FERMT2: variants seen among roughly 807,000 people sequenced by gnomAD.
The protein encoded by FERMT2 is FERM domain containing kindlin 2, also known as fermitin family homolog 2.
Under a neutral mutation model 82.7 loss-of-function variants are expected in FERMT2, and 15 were observed. The ratio of observed to expected loss-of-function variants is 0.18; its 90% CI spans 0.12 to 0.28. The LOEUF is 0.28. Among genes scored for constraint, FERMT2 ranks in the 10% least tolerant of loss-of-function variants. The pLI, the probability that FERMT2 is intolerant of heterozygous loss-of-function variation, is 1.00. For missense variants in FERMT2, 645 were observed against 809.4 expected (o/e 0.80, Z 2.46); for synonymous variants, 274 against 271.5 (o/e 1.01, Z -0.09).
intron 3 of FERMT2, among the ~76,000 whole-genome samples, chr14:52,918,000 C>T (rs374907911): frequency 3.9e-5 from 6 of 152,242 alleles, no homozygotes; most frequent in African/African-American, 1.4e-4. Flanking sequence ...GGTACTCTGG[C>T]GCTAGCCCAA....
At chr14:52,935,881 C>G (rs1262195372) in intron 2 of FERMT2, among the ~76,000 whole-genome samples, 1 of 152,162 alleles carries the variant, frequency 6.6e-6, no homozygotes, top group East Asian at 1.9e-4. Flanking sequence ...TTATCCGATA[C>G]TATAAGACAT....
At chr14:52,908,822 G>A (rs1888156763) in intron 3 of FERMT2, among the ~76,000 whole-genome samples, 1 of 152,110 alleles carries the variant, frequency 6.6e-6, no homozygotes, top group Non-Finnish European at 1.5e-5. Flanking sequence ...CTTATAAGAC[G>A]CCCCTTGGGT....
intron 2 of FERMT2, among the ~76,000 whole-genome samples, chr14:52,924,369 A>G (rs1889132600): frequency 6.6e-6 from 1 of 152,118 alleles, no homozygotes; most frequent in Non-Finnish European, 1.5e-5. Context: ...AAAAATACTG[A>G]TGCCTGGCCC....
intron 10 of FERMT2, among the ~76,000 whole-genome samples, chr14:52,865,742 G>A (rs143031500): frequency 1.3e-5 from 2 of 152,204 alleles, no homozygotes; most frequent in African/African-American, 4.8e-5. Context: ...CAGAATATAA[G>A]ATCATACACA....
chr14:52,936,396 G>C (rs867856842), intron 2 of FERMT2, among the ~76,000 whole-genome samples: 7 of 152,166 alleles, frequency 4.6e-5, no homozygotes, highest in Non-Finnish European at 7.4e-5. Context: ...ATATGAAACT[G>C]ATGAATTTCC....
intron 2 of FERMT2, among the ~76,000 whole-genome samples, chr14:52,923,462 T>TA (rs754264522): frequency 6.6e-6 from 1 of 152,150 alleles, no homozygotes; most frequent in Non-Finnish European, 1.5e-5. Context: ...TAAGCAGTGT[T>TA]ATCTTGCACT....
rs763794709 is a variant in FERMT2, at chr14:52,881,254, T to G, written c.742A>C (p.Ile248Leu). 6 of 1,613,832 alleles carry G rather than the reference T, an allele frequency of 3.7e-6. No individual in the cohort carries two copies. In the East Asian group the frequency reaches 1.3e-4, roughly 36 times the overall value. Residue 248 changes from isoleucine to leucine, a missense_variant, in exon 5 of 15, where the codon ATC becomes CTC. Transcript: ENST00000341590. ...KPQALLDKAK[I>L]NQGWLDSSRS... ...TATCTTAAAACTTACCCTTGGTTGA[T>G]TTTTGCTTTATCAAGAAGAGCTTGA... is the stretch of plus-strand genomic sequence containing the variant.
At chr14:52,950,611 T>TG (rs1372984625) in intron 1 of FERMT2, 34 bp from the exon 2 acceptor site, 1 of 1,603,032 alleles carries the variant, frequency 6.2e-7, no homozygotes, top group Admixed American at 1.7e-5. Context: ...CTCGTAAGCG[T>TG]CACTCCCCCA....
In FERMT2 at chr14:52,917,441, T is replaced by C. The variant is rs548356904; in HGVS notation, c.391+1682A>G. 1.2e-4 allele frequency among the ~76,000 whole-genome samples: 19 copies of C among 152,336 alleles called. No homozygotes were observed. The East Asian group carries it at 3.7e-3, about 29-fold the overall frequency. On this transcript the variant is annotated intron_variant, in intron 3 of 14. Transcript: ENST00000341590. ...AAGTCATATTTGTCATTTGACAAAA[T>C]GACAAAATATCAACAATTATTAATT...
At chr14:52,907,456 G>A (rs976706015) in intron 3 of FERMT2, among the ~76,000 whole-genome samples, 5 of 152,128 alleles carry the variant, frequency 3.3e-5, no homozygotes, top group Non-Finnish European at 7.4e-5. Context: ...ACTGAAAAAT[G>A]GTAAATACGT....
In FERMT2 at chr14:52,938,237, G is replaced by A. The variant is rs115165010; in HGVS notation, c.157+12175C>T. Among the ~76,000 whole-genome samples, 1,406 of 152,176 alleles carry A rather than the reference G, an allele frequency of 9.2e-3. 21 individuals are homozygous for A. The highest frequency in any genetic ancestry group is 0.032 in the African/African-American group (1,322 of 41,532). On this transcript the variant is annotated intron_variant, in intron 2 of 14. Coordinates refer to ENST00000341590, the MANE Select transcript of FERMT2 (RefSeq NM_006832.3). Reference sequence around the variant, plus strand: ...TTTCAGCAAGAGATTAAATAAGAAGGGGTTTATGGTTAAATACTACATAAA... The same window carrying A: ...TTTCAGCAAGAGATTAAATAAGAAGAGGTTTATGGTTAAATACTACATAAA...
intron 2 of FERMT2, among the ~76,000 whole-genome samples, chr14:52,934,052 A>G (rs1280765610): frequency 6.6e-6 from 1 of 152,214 alleles, no homozygotes; most frequent in African/African-American, 2.4e-5. Flanking sequence ...TTTGAATGAT[A>G]TAATTCATTT....
At chr14:52,903,961 T>C (rs1367170905) in intron 3 of FERMT2, among the ~76,000 whole-genome samples, 1 of 152,152 alleles carries the variant, frequency 6.6e-6, no homozygotes, top group Non-Finnish European at 1.5e-5. Flanking sequence ...AAAAATGTAT[T>C]TGATCATGTT....
chr14:52,938,893 A>T (rs946557771), intron 2 of FERMT2, among the ~76,000 whole-genome samples: 6 of 151,928 alleles, frequency 3.9e-5, no homozygotes, highest in Non-Finnish European at 8.8e-5. Context: ...TTATGGAAAC[A>T]CTCCCTATCT....
At chr14:52,889,755 C>A (rs2139529969) in intron 4 of FERMT2, among the ~76,000 whole-genome samples, 1 of 152,290 alleles carries the variant, frequency 6.6e-6, no homozygotes. Context: ...TGTTACTGTA[C>A]TGAATGCTGC....
chr14:52,870,027 T>C lies in FERMT2; in HGVS notation c.1273+2772A>G, dbSNP rs1470847705. The stretch of plus-strand genomic sequence containing the variant: ...TAAAGAAAATATTTTTGTATAGCTG[T>C]ACAATGTTTAAGCTACGTGTCATTA... On this transcript the variant is annotated intron_variant, in intron 10 of 14. Transcript: ENST00000341590. 3.3e-5 allele frequency among the ~76,000 whole-genome samples: 5 copies of C among 152,200 alleles called. No homozygotes were observed. In the East Asian group the frequency reaches 7.7e-4, roughly 23 times the overall value.
intron 2 of FERMT2, among the ~76,000 whole-genome samples, chr14:52,926,493 C>T (rs1238194115): frequency 1.3e-5 from 2 of 151,644 alleles, no homozygotes; most frequent in Admixed American, 6.6e-5. Context: ...CAAACATCAC[C>T]GGAGTAGATT....
At chr14:52,936,523 T>C (rs1367065347) in intron 2 of FERMT2, among the ~76,000 whole-genome samples, 2 of 152,200 alleles carry the variant, frequency 1.3e-5, no homozygotes, top group Non-Finnish European at 2.9e-5. Flanking sequence ...GCATTATTTC[T>C]TCTTGAGCCT....
Position 52,858,312 on chromosome 14 carries a change from T to TAACA in FERMT2, c.*61_*64dup, listed in dbSNP as rs1884692090. On this transcript the variant is annotated 3_prime_UTR_variant, in exon 15 of 15. Coordinates refer to ENST00000341590, the MANE Select transcript of FERMT2 (RefSeq NM_006832.3). The stretch of plus-strand genomic sequence containing the variant: ...CAAGCTTACTTTATTAAGCAGCATA[T>TAACA]AACAAACAGCTTTTAAAGTTAAATA... 4.2e-6 allele frequency: 6 copies of TAACA among 1,430,492 alleles called. No individual in the cohort carries two copies. The East Asian group carries it at 6.8e-5, about 16-fold the overall frequency. The allele number at this position is 1,430,492 out of a possible 1,614,324, so 88.6% of individuals were successfully genotyped here.
Sources: gnomAD v4.1 joint callset for allele counts (sites outside exome capture counted in the v4.1 genomes callset) on GRCh38, gnomAD v4.1.1 for gene constraint, MANE v1.5 for transcripts, NCBI Gene and HGNC (gene_info 2026-07-23, HGNC 2026-07-21) for gene names.